The following TMCC3 variants were observed in gnomAD, a reference collection of about 807,000 sequenced individuals.
TMCC3 encodes the protein transmembrane and coiled-coil domain family 3.
In TMCC3, 28 loss-of-function variants were observed where a neutral mutation model predicts 40.2. That is an observed-to-expected ratio of 0.70 (90% CI 0.52 to 0.95). TMCC3 has a LOEUF of 0.95. Among genes scored for constraint, TMCC3 ranks in the 40% least tolerant of loss-of-function variants. The probability of loss-of-function intolerance (pLI) is 0.00; values close to 1 mark genes in which losing one functional copy is unlikely to be tolerated. For missense variants in TMCC3, 554 were observed against 615.2 expected, an observed-to-expected ratio of 0.90 and a Z score of 1.05; for synonymous variants, 255 against 248.5, an observed-to-expected ratio of 1.03 and a Z score of -0.25.
chr12:94,646,191 A>G (rs1271905269), intron 1 of TMCC3, among the ~76,000 whole-genome samples: 2 of 152,092 alleles, frequency 1.3e-5, no homozygotes, highest in Non-Finnish European at 2.9e-5. Context: ...TGATTGGGAG[A>G]TATGGAAGAA....
At position 94,650,364 on chromosome 12, in the gene TMCC3, A is replaced by G. The variant is rs1258752745; in HGVS notation, c.67T>C (p.Cys23Arg). ...CCCGCTGCGCTCACCCGGCTCTTGC[A>G]GCGGTGGTGCCGGCCGGGGTACGAG... ...TYSYPGRHHRCKSRVERHDMN... is the reference protein window; with the variant it reads ...TYSYPGRHHRRKSRVERHDMN... Residue 23 changes from cysteine (C) to arginine (R), a missense_variant, in exon 1 of 4, where the codon TGC (cysteine) becomes CGC (arginine). Cys to Arg is a radical substitution (Grantham distance 180). Coordinates refer to ENST00000261226, the MANE Select transcript of TMCC3 (RefSeq NM_020698.4). 7.5e-7 allele frequency: 1 copy of G among 1,332,038 alleles called. No homozygotes were observed. The highest frequency in any genetic ancestry group is 9.7e-7 in the Non-Finnish European group (1 of 1,035,290). 82.5% of individuals were successfully genotyped at this position (1,332,038 alleles called of 1,614,324 possible). A position where few individuals can be genotyped will look rare whatever the true frequency, so the allele number is the denominator to read the frequency against.
At chr12:94,637,870 A>G (rs745312402) in intron 1 of TMCC3, among the ~76,000 whole-genome samples, 16 of 152,224 alleles carry the variant, frequency 1.1e-4, no homozygotes, top group Non-Finnish European at 1.6e-4. Flanking sequence ...ATTTCACAAC[A>G]TACACACATT....
At chr12:94,629,108 A>T (rs188371619) in intron 1 of TMCC3, among the ~76,000 whole-genome samples, 84 of 152,354 alleles carry the variant, frequency 5.5e-4, no homozygotes, top group African/African-American at 1.8e-3. Context: ...CTCATGATTT[A>T]GTATTTCCTC....
At chr12:94,576,669 A>T (rs1298339) in intron 3 of TMCC3, among the ~76,000 whole-genome samples, 4,884 of 151,922 alleles carry the variant, frequency 0.032, 148 homozygotes, top group Non-Finnish European at 0.042. Context: ...TTTTAGAGAT[A>T]GAGGGGTCTC....
At chr12:94,638,415 T>A (rs756950810) in intron 1 of TMCC3, among the ~76,000 whole-genome samples, 9 of 152,188 alleles carry the variant, frequency 5.9e-5, no homozygotes, top group Non-Finnish European at 1.2e-4. Context: ...TCTGGAGAAA[T>A]ATCTATAAGC....
chr12:94,633,162 G>A (rs184785204), intron 1 of TMCC3, among the ~76,000 whole-genome samples: 62 of 152,270 alleles, frequency 4.1e-4, no homozygotes, highest in African/African-American at 1.3e-3. Context: ...GAGATGCCAT[G>A]TATGCAGAAT....
chr12:94,607,769 G>A (rs1182371288), intron 1 of TMCC3, among the ~76,000 whole-genome samples: 3 of 152,116 alleles, frequency 2.0e-5, no homozygotes, highest in Admixed American at 6.6e-5. Flanking sequence ...TTTACAATGT[G>A]GTACCCTTGA....
chr12:94,600,230 C>A lies in TMCC3; in HGVS notation c.79-17692G>T, dbSNP rs528462369. ...CTTCATCTCTTCTTTAAAACTGTCA[C>A]CAAATTCTGGTTTTTTTTTTTTTTT... On this transcript the variant is annotated intron_variant, in intron 1 of 3. Coordinates refer to ENST00000261226, the MANE Select transcript of TMCC3 (RefSeq NM_020698.4). Among the ~76,000 whole-genome samples, 6 of 149,388 alleles carry A rather than the reference C, an allele frequency of 4.0e-5. No individual in the cohort carries two copies. In the South Asian group the frequency reaches 1.3e-3, roughly 32 times the overall value.
chr12:94,632,223 T>C (rs1179465999), intron 1 of TMCC3, among the ~76,000 whole-genome samples: 1 of 152,218 alleles, frequency 6.6e-6, no homozygotes, highest in East Asian at 1.9e-4. Context: ...TAATTGAATG[T>C]GGGTTATAAG....
intron 1 of TMCC3, among the ~76,000 whole-genome samples, chr12:94,599,932 G>A (rs2068742500): frequency 6.6e-6 from 1 of 152,174 alleles, no homozygotes; most frequent in South Asian, 2.1e-4. Flanking sequence ...GCATGTGCCT[G>A]TAGCCCCAGC....
In TMCC3 at chr12:94,571,574, A is replaced by C. The variant is rs762227823; in HGVS notation, c.1295T>G (p.Ile432Ser). The change falls in exon 4 of 4, where the codon ATC becomes AGC. Residue 432 changes from isoleucine to serine, a missense_variant. Coordinates refer to ENST00000261226, the MANE Select transcript of TMCC3 (RefSeq NM_020698.4). ...MTVILVCVST[I>S]AKFVSPMMKS... ...CATCATGGGTGAGACGAACTTCGCG[A>C]TGGTGGACACACACACTAAGATGAC... 6.2e-7 allele frequency: 1 copy of C among 1,614,172 alleles called. No individual in the cohort carries two copies. Among genetic ancestry groups the C allele is most frequent in the Non-Finnish European group, 8.5e-7 (1 of 1,180,040 alleles).
At chr12:94,585,497 C>A (rs1463869990) in intron 1 of TMCC3, among the ~76,000 whole-genome samples, 1 of 151,960 alleles carries the variant, frequency 6.6e-6, no homozygotes, top group East Asian at 1.9e-4. Flanking sequence ...GAGATCGAGA[C>A]CATCCTGGCT....
chr12:94,627,509 C>T (rs1162374545), intron 1 of TMCC3, among the ~76,000 whole-genome samples: 1 of 152,214 alleles, frequency 6.6e-6, no homozygotes, highest in Non-Finnish European at 1.5e-5. Context: ...AGGAACTGGC[C>T]TCCCCACCAC....
chr12:94,622,536 C>T (rs1251802522), intron 1 of TMCC3, among the ~76,000 whole-genome samples: 1 of 152,008 alleles, frequency 6.6e-6, no homozygotes, highest in African/African-American at 2.4e-5. Context: ...AAGCACTGAT[C>T]CCTATGACCT....
At chr12:94,604,304 T>C (rs1226538233) in intron 1 of TMCC3, among the ~76,000 whole-genome samples, 2 of 152,200 alleles carry the variant, frequency 1.3e-5, no homozygotes, top group African/African-American at 4.8e-5. Context: ...CTTGCTTACT[T>C]AGACCAAATT....
chr12:94,576,539 T>C (rs1361603487), intron 3 of TMCC3, among the ~76,000 whole-genome samples: 1 of 152,020 alleles, frequency 6.6e-6, no homozygotes, highest in Non-Finnish European at 1.5e-5. Flanking sequence ...CTGGAGTGCA[T>C]TGGCACAATC....
At chr12:94,612,607 C>G (rs912866201) in intron 1 of TMCC3, among the ~76,000 whole-genome samples, 3 of 152,182 alleles carry the variant, frequency 2.0e-5, no homozygotes, top group African/African-American at 4.8e-5. Context: ...CCGCACCTGG[C>G]CTCAAGTTTT....
chr12:94,596,281 T>TA (rs1337601296), intron 1 of TMCC3, among the ~76,000 whole-genome samples: 1 of 152,170 alleles, frequency 6.6e-6, no homozygotes, highest in Non-Finnish European at 1.5e-5. Flanking sequence ...GGGGGAGGCA[T>TA]CAAATAAGTT....
At position 94,568,665 on chromosome 12, in the gene TMCC3, A is replaced by C. The variant is rs1241596526; in HGVS notation, c.*2770T>G. The C allele has an allele frequency of 6.6e-6, 1 of 152,328 alleles. No homozygotes were observed. The highest frequency in any genetic ancestry group is 2.1e-4 in the South Asian group (1 of 4,822). The allele number at this position is 152,328 out of a possible 1,614,324, so 9.4% of individuals were successfully genotyped here. A position where few individuals can be genotyped will look rare whatever the true frequency, so the allele number is the denominator to read the frequency against. ...CAAACAGTGGGAGTGTTTATTCCTT[A>C]AGAGAGAATAAACTGCAGAGATTAA... is the stretch of plus-strand genomic sequence containing the variant. On this transcript the variant is annotated 3_prime_UTR_variant, in exon 4 of 4. Coordinates refer to ENST00000261226, the MANE Select transcript of TMCC3 (RefSeq NM_020698.4).
Sources: allele counts gnomAD v4.1 joint callset (sites outside exome capture counted in the v4.1 genomes callset), GRCh38; gene constraint gnomAD v4.1.1; transcripts MANE v1.5; gene names NCBI Gene and HGNC (gene_info 2026-07-23, HGNC 2026-07-21).